Variants in PTPN1 observed in about 807,000 individuals in gnomAD.
PTPN1 encodes protein tyrosine phosphatase non-receptor type 1.
PTPN1 carries 12 observed loss-of-function variants against 59.9 expected under a neutral mutation model. The observed-to-expected ratio is 0.20, with a 90% confidence interval of 0.13 to 0.32. The LOEUF is 0.32. Among genes scored for constraint, PTPN1 ranks in the 10% least tolerant of loss-of-function variants. The pLI is 1.00. For synonymous variants in PTPN1, 178 were observed against 203.6 expected, an observed-to-expected ratio of 0.87 and a Z score of 1.07; for missense variants, 356 against 549.2, an observed-to-expected ratio of 0.65 and a Z score of 3.52.
chr20:50,548,094 T>C (rs2082683871), intron 1 of PTPN1, among the ~76,000 whole-genome samples: 1 of 152,188 alleles, frequency 6.6e-6, no homozygotes, highest in Non-Finnish European at 1.5e-5. Context: ...GCTGCTTATT[T>C]TGAGGTGTGG....
intron 1 of PTPN1, among the ~76,000 whole-genome samples, chr20:50,538,946 A>G (rs1352344384): frequency 2.0e-5 from 3 of 150,120 alleles, no homozygotes; most frequent in Admixed American, 1.3e-4. Context: ...TAGCTGTAGT[A>G]TAGAGTGTTG....
rs2082501052 is a variant in PTPN1 at position 50,510,466 on chromosome 20, G to T, written c.-62G>T. 6.5e-7 allele frequency: 1 copy of T among 1,534,092 alleles called. No individual in the cohort carries two copies. Among genetic ancestry groups the T allele is most frequent in the South Asian group, 1.2e-5 (1 of 83,074 alleles). Reference sequence around the variant, plus strand: ...GCCTCGGGGCTAAGAGCGCGACGCGGCCTAGAGCGGCAGACGGCGCAGTGG... The same window carrying T: ...GCCTCGGGGCTAAGAGCGCGACGCGTCCTAGAGCGGCAGACGGCGCAGTGG... On this transcript the variant is annotated 5_prime_UTR_variant, in exon 1 of 10. Coordinates refer to ENST00000371621, the MANE Select transcript of PTPN1 (RefSeq NM_002827.4).
chr20:50,536,744 G>C (rs868017595), intron 1 of PTPN1, among the ~76,000 whole-genome samples: 1 of 151,860 alleles, frequency 6.6e-6, no homozygotes, highest in Non-Finnish European at 1.5e-5. Flanking sequence ...GTAATTTGTT[G>C]AACAGTCCTG....
At chr20:50,565,221 C>A in intron 3 of PTPN1, 152 bp downstream of exon 3, 1 of 767,908 alleles carries the variant, frequency 1.3e-6, no homozygotes, top group Non-Finnish European at 2.0e-6. Flanking sequence ...AATCATCCTT[C>A]AAAGGTTCAG....
chr20:50,581,575 C>A, intron 9 of PTPN1, 115 bp downstream of exon 9: 2 of 1,218,886 alleles, frequency 1.6e-6, no homozygotes, highest in Non-Finnish European at 2.2e-6. Context: ...TCAGAAGAAA[C>A]AGATCAAAGG....
Position 50,579,751 on chromosome 20 carries a change from C to A in PTPN1, c.913C>A (p.His305Asn). Residue 305 changes from histidine (H) to asparagine (N), a missense_variant, in exon 8 of 10, where the codon CAT becomes AAT. Physicochemically the swap from His to Asn is moderately conservative, Grantham distance 68 (BLOSUM62 1). Around this residue, in one of 3 missense-constraint regions of PTPN1, gnomAD observed 100 missense variants for 107.7 expected, o/e 0.93. Transcript: ENST00000371621. ...SHEDLEPPPE[H>N]IPPPPRPPKR... Reference sequence around the variant, plus strand: ...CGAGGACCTGGAGCCCCCACCCGAGCATATCCCCCCACCTCCCCGGCCACC... The same window carrying A: ...CGAGGACCTGGAGCCCCCACCCGAGAATATCCCCCCACCTCCCCGGCCACC... 6.2e-7 allele frequency: 1 copy of A among 1,613,336 alleles called. No individual in the cohort carries two copies. The highest frequency in any genetic ancestry group is 8.5e-7 in the Non-Finnish European group (1 of 1,179,930).
At chr20:50,543,996 C>T (rs1325289193) in intron 1 of PTPN1, among the ~76,000 whole-genome samples, 1 of 152,102 alleles carries the variant, frequency 6.6e-6, no homozygotes, top group Non-Finnish European at 1.5e-5. Flanking sequence ...CAGGCATGGG[C>T]CACCACTCCT....
At chr20:50,580,222 C>T (rs718052) in intron 8 of PTPN1, among the ~76,000 whole-genome samples, 36 of 152,312 alleles carry the variant, frequency 2.4e-4, no homozygotes, top group South Asian at 2.1e-4. Context: ...TTCTGCCCCC[C>T]CTGACGACAG....
At chr20:50,565,097 T>C in intron 3 of PTPN1, 28 bp downstream of exon 3, 1 of 1,598,404 alleles carries the variant, frequency 6.3e-7, no homozygotes, top group Non-Finnish European at 8.5e-7. Flanking sequence ...ATTTTCTATT[T>C]AATGTCAATT....
chr20:50,537,005 A>C (rs1285525702), intron 1 of PTPN1, among the ~76,000 whole-genome samples: 1 of 152,224 alleles, frequency 6.6e-6, no homozygotes, highest in African/African-American at 2.4e-5. Flanking sequence ...TTGTTGACAT[A>C]ATTGTAGATT....
chr20:50,537,370 G>A (rs1169181993), intron 1 of PTPN1, among the ~76,000 whole-genome samples: 1 of 151,990 alleles, frequency 6.6e-6, no homozygotes, highest in East Asian at 1.9e-4. Flanking sequence ...ATAAAACAGA[G>A]AGATCCCATG....
At chr20:50,566,130 T>C (rs1372974530) in intron 3 of PTPN1, among the ~76,000 whole-genome samples, 2 of 152,190 alleles carry the variant, frequency 1.3e-5, no homozygotes, top group Non-Finnish European at 2.9e-5. Flanking sequence ...TACCAGGCCC[T>C]GAGCCCCTGG....
At chr20:50,531,681 G>A (rs534673956) in intron 1 of PTPN1, among the ~76,000 whole-genome samples, 11 of 152,264 alleles carry the variant, frequency 7.2e-5, no homozygotes, top group African/African-American at 2.6e-4. Context: ...CTGGCAGGGA[G>A]TCTTATAGAA....
rs148487371 is a variant in PTPN1 at position 50,533,972 on chromosome 20, C to T, written c.63+23382C>T. Among the ~76,000 whole-genome samples the T allele has an allele frequency of 3.9e-5, 6 of 152,226 alleles. No individual in the cohort carries two copies. The East Asian group carries it at 1.2e-3, about 29-fold the overall frequency. ...TTGAGATGGAGTCTTTCTCTCTTGCCCAGGCTAAAGTGCAATGGCGCGATC... is the reference window on the plus strand; with the variant it reads ...TTGAGATGGAGTCTTTCTCTCTTGCTCAGGCTAAAGTGCAATGGCGCGATC... On this transcript the variant is annotated intron_variant, in intron 1 of 9. Coordinates refer to ENST00000371621, the MANE Select transcript of PTPN1 (RefSeq NM_002827.4).
Position 50,583,058 on chromosome 20 carries a change from G to A in PTPN1, c.*343G>A, listed in dbSNP as rs190175010. 11 of 326,220 alleles carry A rather than the reference G, an allele frequency of 3.4e-5. No individual in the cohort carries two copies. Among genetic ancestry groups the A allele is most frequent in the South Asian group, 1.9e-4 (2 of 10,528 alleles). The allele number at this position is 326,220 out of a possible 1,614,324, so 20.2% of individuals were successfully genotyped here. A position where few individuals can be genotyped will look rare whatever the true frequency, so the allele number is the denominator to read the frequency against. On this transcript the variant is annotated 3_prime_UTR_variant, in exon 10 of 10. Coordinates refer to ENST00000371621, the MANE Select transcript of PTPN1 (RefSeq NM_002827.4). Reference sequence around the variant, plus strand: ...CCCTCCTGGAGCATCCCAGGCGGGCGGCACGCCAACAGCCCCCCCCTTGAA... The same window carrying A: ...CCCTCCTGGAGCATCCCAGGCGGGCAGCACGCCAACAGCCCCCCCCTTGAA...
In PTPN1 at chr20:50,581,442, C is replaced by T. The variant is rs141189014; in HGVS notation, c.1266C>T (p.Gly422=). ...GCGTGGCTACGGTCCTCACGGCCGG[C>T]GCTTACCTCTGCTACAGGGTATGTT... ...NMCVATVLTA[G]AYLCYRFLFN... Residue 422 remains glycine, a synonymous_variant, in exon 9 of 10, where the codon GGC becomes GGT. Transcript: ENST00000371621. 86 of 1,610,886 alleles carry T rather than the reference C, an allele frequency of 5.3e-5. No homozygotes were observed. The African/African-American group carries it at 7.6e-4, about 14-fold the overall frequency.
intron 1 of PTPN1, among the ~76,000 whole-genome samples, chr20:50,526,100 T>C (rs1056187827): frequency 2.2e-4 from 34 of 152,286 alleles, no homozygotes; most frequent in Middle Eastern, 3.4e-3. Context: ...TGTGTGTGTG[T>C]GCGCGTGCAG....
At chr20:50,530,019 C>T (rs1290533153) in intron 1 of PTPN1, among the ~76,000 whole-genome samples, 8 of 151,858 alleles carry the variant, frequency 5.3e-5, no homozygotes, top group East Asian at 1.9e-4. Flanking sequence ...GGATTACAGG[C>T]GGGTGCCACT....
rs150584289 is a variant in PTPN1 at position 50,581,361 on chromosome 20, C to T, written c.1185C>T (p.Pro395=). The part of the protein sequence containing the change: ...ASPAKGEPSL[P]EKDEDHALSY... ...CAGCCAAAGGGGAGCCGTCACTGCC[C>T]GAGAAGGACGAGGACCATGCACTGA... The change falls in exon 9 of 10, where the codon CCC becomes CCT. Residue 395 remains proline, a synonymous_variant. Transcript: ENST00000371621. 2.9e-5 allele frequency: 46 copies of T among 1,613,994 alleles called. No homozygotes were observed. In the East Asian group the frequency reaches 6.7e-4, roughly 23 times the overall value.
Sources: gnomAD v4.1 joint callset for allele counts (sites outside exome capture counted in the v4.1 genomes callset) on GRCh38, gnomAD v4.1.1 for gene constraint, gnomAD v4.1.1 regional missense constraint, MANE v1.5 for transcripts, NCBI Gene and HGNC (gene_info 2026-07-23, HGNC 2026-07-21) for gene names.